UNC5D: variants seen among roughly 807,000 people sequenced by gnomAD.
UNC5D encodes unc-5 netrin receptor D, also known as netrin receptor UNC5D.
UNC5D carries 39 observed loss-of-function variants against 105.4 expected under a neutral mutation model. That is an observed-to-expected ratio of 0.37 (90% confidence interval 0.29 to 0.48). The LOEUF is 0.48. Among genes scored for constraint, UNC5D ranks in the 20% least tolerant of loss-of-function variants. The pLI, the probability that UNC5D is intolerant of heterozygous loss-of-function variation, is 0.98. For missense variants in UNC5D, 991 were observed against 1,202.4 expected (o/e 0.82, Z 2.60); for synonymous variants, 452 against 450.4 (o/e 1.00, Z -0.04).
At chr8:35,505,199 A>G (rs1464390344) in intron 1 of UNC5D, among the ~76,000 whole-genome samples, 1 of 152,254 alleles carries the variant, frequency 6.6e-6, no homozygotes, top group Non-Finnish European at 1.5e-5. Context: ...AAATACTTGT[A>G]AATTATGATG....
At chr8:35,746,757 CA>C (rs1276349821) in intron 11 of UNC5D, among the ~76,000 whole-genome samples, 2 of 152,140 alleles carry the variant, frequency 1.3e-5, no homozygotes, top group Non-Finnish European at 2.9e-5. Flanking sequence ...TCTCTGAAAG[CA>C]ATTAAATAGT....
intron 3 of UNC5D, among the ~76,000 whole-genome samples, chr8:35,594,914 G>T (rs1276765804): frequency 6.6e-6 from 1 of 152,156 alleles, no homozygotes; most frequent in Non-Finnish European, 1.5e-5. Context: ...CAAAGTGCCT[G>T]GAGCCTTCCA....
chr8:35,746,367 G>A (rs964254522), intron 11 of UNC5D, among the ~76,000 whole-genome samples: 3 of 151,972 alleles, frequency 2.0e-5, no homozygotes, highest in Non-Finnish European at 2.9e-5. Context: ...TTAATTGTGG[G>A]GAGAAAAAAA....
Position 35,726,149 on chromosome 8 carries a change from C to T in UNC5D, c.1304-3C>T. The T allele has an allele frequency of 6.3e-7, 1 of 1,599,260 alleles. No individual in the cohort carries two copies. The highest frequency in any genetic ancestry group is 8.5e-7 in the Non-Finnish European group (1 of 1,170,634). ...GAGTGACAGATCAATTTTCTTTTAC[C>T]AGGTAACTCCCTGCTCCTGAATTCT... is the stretch of plus-strand genomic sequence containing the variant. On this transcript the variant is annotated splice_polypyrimidine_tract_variant and splice_region_variant and intron_variant, in intron 9 of 16. Coordinates refer to ENST00000404895, the MANE Select transcript of UNC5D (RefSeq NM_080872.4).
chr8:35,788,183 C>CTGTGTG (rs144295080), intron 16 of UNC5D, among the ~76,000 whole-genome samples: 13 of 148,422 alleles, frequency 8.8e-5, no homozygotes, highest in African/African-American at 3.2e-4. Flanking sequence ...CTCAGAATTG[C>CTGTGTG]TGTGTGTGTG....
chr8:35,296,896 G>T (rs1049366689), intron 1 of UNC5D, among the ~76,000 whole-genome samples: 5 of 152,088 alleles, frequency 3.3e-5, no homozygotes, highest in Admixed American at 3.3e-4. Context: ...CATTCTAAGG[G>T]CAGTCAACAA....
rs192651513 is a variant in UNC5D at position 35,777,116 on chromosome 8, T to C, written c.2657+2639T>C. The stretch of plus-strand genomic sequence containing the variant: ...TAAAAATACAAAAATTAGCTGGGCA[T>C]GGTGGCAGGCACCTGTAATCCCATC... On this transcript the variant is annotated intron_variant, in intron 16 of 16. Coordinates refer to ENST00000404895, the MANE Select transcript of UNC5D (RefSeq NM_080872.4). Among the ~76,000 whole-genome samples the C allele has an allele frequency of 6.5e-3, 993 of 152,346 alleles. 10 individuals carry two copies. The highest frequency in any genetic ancestry group is 0.014 in the Middle Eastern group (4 of 294).
At chr8:35,771,050 G>A (rs1367297470) in intron 15 of UNC5D, among the ~76,000 whole-genome samples, 1 of 152,152 alleles carries the variant, frequency 6.6e-6, no homozygotes, top group African/African-American at 2.4e-5. Context: ...TACATAAAGT[G>A]TCATCCTTAT....
intron 1 of UNC5D, among the ~76,000 whole-genome samples, chr8:35,301,285 CA>C (rs1182802826): frequency 6.6e-6 from 1 of 152,078 alleles, no homozygotes; most frequent in African/African-American, 2.4e-5. Context: ...ACAGCTTGAG[CA>C]AATAAGTCAA....
At chr8:35,677,999 GAT>G (rs1448368819) in intron 4 of UNC5D, among the ~76,000 whole-genome samples, 26 of 151,450 alleles carry the variant, frequency 1.7e-4, no homozygotes, top group African/African-American at 5.8e-4. Flanking sequence ...TGTATAGATA[GAT>G]ACACACACCT....
At chr8:35,555,942 G>T (rs563660064) in intron 2 of UNC5D, among the ~76,000 whole-genome samples, 3 of 148,544 alleles carry the variant, frequency 2.0e-5, no homozygotes, top group South Asian at 2.1e-4. Context: ...GAAACCTGAG[G>T]TTAGCCTAAT....
At position 35,795,247 on chromosome 8, in the gene UNC5D, G is replaced by A. The variant is rs1371341334; in HGVS notation, c.*4684G>A. On this transcript the variant is annotated 3_prime_UTR_variant, in exon 17 of 17. Transcript: ENST00000404895. ...AGACTATATTACTAAATTTGGTAAG[G>A]TAGTTCTTTGCATGAATGGGAATGT... 1 of 152,096 alleles carries A rather than the reference G, an allele frequency of 6.6e-6. No homozygotes were observed. The highest frequency in any genetic ancestry group is 1.5e-5 in the Non-Finnish European group (1 of 68,032). The allele number at this position is 152,096 out of a possible 1,614,324, so 9.4% of individuals were successfully genotyped here.
chr8:35,553,691 G>A (rs967700382), intron 2 of UNC5D, among the ~76,000 whole-genome samples: 2 of 152,166 alleles, frequency 1.3e-5, no homozygotes, highest in African/African-American at 4.8e-5. Context: ...AACAAGATGA[G>A]TGGAGATATT....
intron 4 of UNC5D, among the ~76,000 whole-genome samples, chr8:35,634,856 T>C (rs557266816): frequency 6.8e-4 from 104 of 151,898 alleles, no homozygotes; most frequent in African/African-American, 2.4e-3. Flanking sequence ...AACCTCCGAC[T>C]ACCAGGTTCA....
intron 1 of UNC5D, among the ~76,000 whole-genome samples, chr8:35,392,252 C>T (rs1029625810): frequency 6.6e-6 from 1 of 152,158 alleles, no homozygotes; most frequent in African/African-American, 2.4e-5. Flanking sequence ...GTCACCCAGG[C>T]TGGAATGCAG....
At chr8:35,443,090 T>C (rs1466578234) in intron 1 of UNC5D, among the ~76,000 whole-genome samples, 1 of 151,888 alleles carries the variant, frequency 6.6e-6, no homozygotes, top group Non-Finnish European at 1.5e-5. Flanking sequence ...GCTTTGGACA[T>C]ATTCACATAT....
intron 2 of UNC5D, among the ~76,000 whole-genome samples, chr8:35,554,757 A>G (rs1816417338): frequency 6.6e-6 from 1 of 152,200 alleles, no homozygotes; most frequent in African/African-American, 2.4e-5. Flanking sequence ...ATCTTATTCC[A>G]CCTCAGAGAT....
intron 2 of UNC5D, among the ~76,000 whole-genome samples, chr8:35,567,177 A>C (rs2579899): frequency 0.51 from 77,277 of 151,532 alleles, 20,634 homozygotes; most frequent in Non-Finnish European, 0.6. Flanking sequence ...CCCTTTCTTC[A>C]CCTCCTCATA....
intron 1 of UNC5D, among the ~76,000 whole-genome samples, chr8:35,503,325 C>T (rs182000452): frequency 1.8e-4 from 28 of 152,212 alleles, no homozygotes; most frequent in African/African-American, 1.9e-4. Flanking sequence ...GCTGGGGAGG[C>T]CTCACAATCA....
Sources: allele counts gnomAD v4.1 joint callset (sites outside exome capture counted in the v4.1 genomes callset), GRCh38; gene constraint gnomAD v4.1.1; transcripts MANE v1.5; gene names NCBI Gene and HGNC (gene_info 2026-07-23, HGNC 2026-07-21).